The following TCF12 variants were observed in gnomAD, a reference collection of about 807,000 sequenced individuals.
TCF12 encodes the protein transcription factor 12.
Under a neutral mutation model 86.0 loss-of-function variants are expected in TCF12, and 45 were observed. The observed-to-expected ratio is 0.52, with a 90% CI of 0.41 to 0.67. TCF12 has a LOEUF of 0.67. Ranked by LOEUF, TCF12 falls within the 30% of genes least tolerant of loss-of-function variation. TCF12 has a pLI of 0.00. For missense variants in TCF12, 881 were observed against 859.9 expected, an observed-to-expected ratio of 1.02 and a Z score of -0.31; for synonymous variants, 330 against 299.6, an observed-to-expected ratio of 1.10 and a Z score of -1.05.
intron 5 of TCF12, among the ~76,000 whole-genome samples, chr15:57,164,176 C>A (rs948898568): frequency 6.6e-6 from 1 of 152,180 alleles, no homozygotes; most frequent in African/African-American, 2.4e-5. Context: ...GAGTACCCTA[C>A]TGTTAATTGT....
intron 6 of TCF12, among the ~76,000 whole-genome samples, chr15:57,191,468 GA>G (rs1403915856): frequency 4.6e-5 from 7 of 151,536 alleles, no homozygotes; most frequent in Non-Finnish European, 1.0e-4. Context: ...TCTCTAAAAA[GA>G]AAAAAGGAAA....
intron 8 of TCF12, among the ~76,000 whole-genome samples, chr15:57,226,449 C>T (rs1566945392): frequency 1.3e-5 from 2 of 151,906 alleles, no homozygotes; most frequent in Admixed American, 6.6e-5. Flanking sequence ...TGGCACAGAC[C>T]TTTCACATAT....
chr15:57,109,888 C>T (rs960988699), intron 5 of TCF12, among the ~76,000 whole-genome samples: 6 of 152,042 alleles, frequency 3.9e-5, no homozygotes, highest in East Asian at 1.9e-4. Flanking sequence ...ATCTAGAAAG[C>T]GTTAATTTGT....
At chr15:57,067,354 A>G (rs944524533) in intron 4 of TCF12, among the ~76,000 whole-genome samples, 1 of 151,476 alleles carries the variant, frequency 6.6e-6, no homozygotes. Flanking sequence ...TCCCGGCTAA[A>G]ACGGTGAAAC....
At chr15:57,250,344 A>C (rs1267709357) in intron 13 of TCF12, among the ~76,000 whole-genome samples, 1 of 152,126 alleles carries the variant, frequency 6.6e-6, no homozygotes, top group African/African-American at 2.4e-5. Context: ...GGGGAAAAAA[A>C]CTCAAGAGTA....
At chr15:56,972,958 G>A (rs766865985) in intron 3 of TCF12, among the ~76,000 whole-genome samples, 9 of 152,068 alleles carry the variant, frequency 5.9e-5, no homozygotes, top group South Asian at 2.1e-4. Context: ...TAGGCTTTCC[G>A]TTTTCCTGGA....
chr15:56,990,423 A>G (rs1397735102), intron 3 of TCF12, among the ~76,000 whole-genome samples: 3 of 152,052 alleles, frequency 2.0e-5, no homozygotes, highest in Non-Finnish European at 4.4e-5. Flanking sequence ...ACTTGTAGTT[A>G]TAGGATAAAT....
intron 3 of TCF12, among the ~76,000 whole-genome samples, chr15:57,010,246 A>G (rs1451039422): frequency 6.6e-6 from 1 of 151,966 alleles, no homozygotes; most frequent in Non-Finnish European, 1.5e-5. Flanking sequence ...GAACATTGAT[A>G]AAACATTCAT....
intron 3 of TCF12, among the ~76,000 whole-genome samples, chr15:56,973,669 G>C (rs1381061322): frequency 6.6e-6 from 1 of 152,116 alleles, no homozygotes; most frequent in Admixed American, 6.5e-5. Flanking sequence ...CAAAGTGAAA[G>C]TTTGATGAGT....
At chr15:56,938,045 CTTTT>C (rs370916527) in intron 3 of TCF12, among the ~76,000 whole-genome samples, 1 of 30,708 alleles carries the variant, frequency 3.3e-5, no homozygotes, top group Non-Finnish European at 6.8e-5. Flanking sequence ...CGTTTCTTTT[CTTTT>C]TTTTTTTTTT....
At chr15:56,943,689 G>A (rs186233789) in intron 3 of TCF12, among the ~76,000 whole-genome samples, 13 of 152,250 alleles carry the variant, frequency 8.5e-5, no homozygotes, top group Non-Finnish European at 1.5e-4. Context: ...GTTTAAAAGC[G>A]AGTCTCATGG....
intron 19 of TCF12, chr15:57,282,236 A>C (rs1156945298): frequency 3.3e-6 from 2 of 603,194 alleles, no homozygotes; most frequent in Non-Finnish European, 5.7e-6. Flanking sequence ...TCATAAGCAA[A>C]AAATGAAGAA....
In TCF12 at chr15:56,942,748, G is replaced by C. The variant is rs115418856; in HGVS notation, c.148+21650G>C. Reference sequence around the variant, plus strand: ...AAGTCTTCAGTTTTTTAAAATTAAAGTGGTTTTAATTTTATATTCCTTTCC... The same window carrying C: ...AAGTCTTCAGTTTTTTAAAATTAAACTGGTTTTAATTTTATATTCCTTTCC... On this transcript the variant is annotated intron_variant, in intron 3 of 20. Transcript: ENST00000333725. Among the ~76,000 whole-genome samples, 1,073 of 152,210 alleles carry C rather than the reference G, an allele frequency of 7.0e-3. 12 individuals are homozygous for C. Among genetic ancestry groups the C allele is most frequent in the African/African-American group, 0.024 (1,006 of 41,554 alleles).
At chr15:57,057,293 G>T (rs1383325999) in intron 3 of TCF12, among the ~76,000 whole-genome samples, 1 of 152,148 alleles carries the variant, frequency 6.6e-6, no homozygotes, top group African/African-American at 2.4e-5. Context: ...AGTGACTGTG[G>T]TTGTCCTGTC....
At chr15:57,106,501 G>T (rs2050141519) in intron 5 of TCF12, among the ~76,000 whole-genome samples, 1 of 152,158 alleles carries the variant, frequency 6.6e-6, no homozygotes, top group Non-Finnish European at 1.5e-5. Context: ...AACAATTATT[G>T]CCTTCTGGGA....
At chr15:56,995,548 C>G (rs1224791829) in intron 3 of TCF12, among the ~76,000 whole-genome samples, 12 of 151,716 alleles carry the variant, frequency 7.9e-5, no homozygotes. Context: ...AGCTATATTC[C>G]TAGATATTTT....
chr15:57,082,430 T>G (rs1168659416), intron 4 of TCF12, among the ~76,000 whole-genome samples: 1 of 152,092 alleles, frequency 6.6e-6, no homozygotes, highest in Non-Finnish European at 1.5e-5. Context: ...AAACTTAAGA[T>G]GAACCGAAGA....
At chr15:57,246,160 G>T (rs1180401966) in intron 13 of TCF12, among the ~76,000 whole-genome samples, 1 of 152,084 alleles carries the variant, frequency 6.6e-6, no homozygotes, top group African/African-American at 2.4e-5. Context: ...GTCCACACTT[G>T]CCCTATTCCT....
intron 3 of TCF12, among the ~76,000 whole-genome samples, chr15:56,931,941 A>G (rs1232148696): frequency 6.6e-6 from 1 of 152,190 alleles, no homozygotes; most frequent in African/African-American, 2.4e-5. Flanking sequence ...GAATAATTAA[A>G]TCCACTTAAA....
Sources: allele counts gnomAD v4.1 joint callset (sites outside exome capture counted in the v4.1 genomes callset), GRCh38; gene constraint gnomAD v4.1.1; transcripts MANE v1.5; gene names NCBI Gene and HGNC (gene_info 2026-07-23, HGNC 2026-07-21).